NDST4: variants seen among roughly 807,000 people sequenced by gnomAD.
NDST4 encodes N-deacetylase and N-sulfotransferase 4.
NDST4 carries 63 observed loss-of-function variants against 100.8 expected under a neutral mutation model. The observed-to-expected ratio is 0.62, with a 90% CI of 0.51 to 0.77. The LOEUF (loss-of-function observed/expected upper bound fraction) is 0.77, where lower values mean the gene tolerates loss of function less well. Among genes scored for constraint, NDST4 ranks in the 30% least tolerant of loss-of-function variants. NDST4 has a pLI of 0.00. For missense variants in NDST4, 943 were observed against 1,018.4 expected, an observed-to-expected ratio of 0.93 and a Z score of 1.01; for synonymous variants, 377 against 361.8, an observed-to-expected ratio of 1.04 and a Z score of -0.48.
At chr4:114,861,286 A>G (rs80181135) in intron 7 of NDST4, among the ~76,000 whole-genome samples, 28 of 152,262 alleles carry the variant, frequency 1.8e-4, no homozygotes, top group Non-Finnish European at 3.5e-4. Context: ...AATTTTCCTA[A>G]ATTATCTGGA....
At chr4:114,859,428 T>C (rs1720958277) in intron 7 of NDST4, among the ~76,000 whole-genome samples, 1 of 152,204 alleles carries the variant, frequency 6.6e-6, no homozygotes, top group Non-Finnish European at 1.5e-5. Flanking sequence ...GCAGGAAGTT[T>C]ATAGAATCAT....
At chr4:114,853,633 A>G (rs935577259) in intron 7 of NDST4, among the ~76,000 whole-genome samples, 2 of 152,208 alleles carry the variant, frequency 1.3e-5, no homozygotes, top group South Asian at 2.1e-4. Context: ...GGTGACCTAC[A>G]CAATAATTAT....
chr4:115,088,003 A>C (rs1032519509), intron 1 of NDST4, among the ~76,000 whole-genome samples: 98 of 152,002 alleles, frequency 6.4e-4, no homozygotes, highest in African/African-American at 2.3e-3. Context: ...TTATTTTTAC[A>C]CTTAGATTAT....
chr4:115,090,177 C>T (rs1729487900), intron 1 of NDST4, among the ~76,000 whole-genome samples: 1 of 151,584 alleles, frequency 6.6e-6, no homozygotes, highest in African/African-American at 2.4e-5. Flanking sequence ...TCAATCCTTT[C>T]TCTTGTATTT....
chr4:115,095,893 T>C (rs1729611697), intron 1 of NDST4, among the ~76,000 whole-genome samples: 1 of 152,082 alleles, frequency 6.6e-6, no homozygotes, highest in Admixed American at 6.6e-5. Context: ...TATATTGTGC[T>C]ATCCAATCAC....
chr4:114,880,723 G>T (rs1724349434), intron 6 of NDST4, among the ~76,000 whole-genome samples: 1 of 152,066 alleles, frequency 6.6e-6, no homozygotes, highest in Non-Finnish European at 1.5e-5. Flanking sequence ...AGATGCTTAG[G>T]GTTAAATGGG....
At chr4:114,978,145 A>AT (rs1429277715) in intron 2 of NDST4, among the ~76,000 whole-genome samples, 1 of 151,920 alleles carries the variant, frequency 6.6e-6, no homozygotes, top group African/African-American at 2.4e-5. Context: ...TTTTTAATGG[A>AT]TTTTTAAAGA....
intron 1 of NDST4, among the ~76,000 whole-genome samples, chr4:115,097,706 A>C (rs1729648414): frequency 6.6e-6 from 1 of 152,112 alleles, no homozygotes; most frequent in Admixed American, 6.6e-5. Flanking sequence ...AATTAAGGTT[A>C]TGTCTCTCCT....
chr4:115,069,077 A>G (rs995011443), intron 2 of NDST4, among the ~76,000 whole-genome samples: 2 of 152,170 alleles, frequency 1.3e-5, no homozygotes, highest in Admixed American at 6.6e-5. Flanking sequence ...CAAGTTAAAA[A>G]GAAATAACCA....
chr4:115,085,787 G>T (rs1007311022), intron 1 of NDST4, among the ~76,000 whole-genome samples: 12 of 152,120 alleles, frequency 7.9e-5, no homozygotes, highest in Non-Finnish European at 1.3e-4. Context: ...TTTCTCCACA[G>T]AGTGTGAGAA....
intron 2 of NDST4, among the ~76,000 whole-genome samples, chr4:114,986,360 C>T (rs1726900598): frequency 6.6e-6 from 1 of 152,048 alleles, no homozygotes; most frequent in South Asian, 2.1e-4. Flanking sequence ...GTCTCGTGCC[C>T]TAAACGTTGT....
At chr4:114,997,325 T>C (rs1560850692) in intron 2 of NDST4, among the ~76,000 whole-genome samples, 1 of 152,104 alleles carries the variant, frequency 6.6e-6, no homozygotes, top group Non-Finnish European at 1.5e-5. Context: ...CCTAGCATGT[T>C]TATATCAAGG....
intron 4 of NDST4, among the ~76,000 whole-genome samples, chr4:114,955,188 T>C (rs945545134): frequency 1.3e-5 from 2 of 152,156 alleles, no homozygotes; most frequent in Non-Finnish European, 2.9e-5. Flanking sequence ...ACAGCCTTGA[T>C]GGAGGCAGCT....
At chr4:114,865,572 C>T (rs1244189168) in intron 7 of NDST4, among the ~76,000 whole-genome samples, 2 of 152,114 alleles carry the variant, frequency 1.3e-5, no homozygotes, top group Non-Finnish European at 2.9e-5. Context: ...AAGGCACAAA[C>T]AAAAAATTCA....
chr4:115,031,189 G>C (rs994855593), intron 2 of NDST4, among the ~76,000 whole-genome samples: 1 of 152,126 alleles, frequency 6.6e-6, no homozygotes, highest in Non-Finnish European at 1.5e-5. Flanking sequence ...TTGGTGATGA[G>C]AGAAAGGGGA....
At chr4:114,981,608 A>T (rs1165016581) in intron 2 of NDST4, among the ~76,000 whole-genome samples, 1 of 152,210 alleles carries the variant, frequency 6.6e-6, no homozygotes, top group African/African-American at 2.4e-5. Context: ...ATGAAAACAA[A>T]AATCTGTTTT....
At position 115,110,278 on chromosome 4, in the gene NDST4, T is replaced by A. The variant is rs1006305386; in HGVS notation, c.-247+3166A>T. ...AAAATAGGGCATTTAACACCCTGCA[T>A]AACAGCATAGCTGAAAGTTTCCTGA... On this transcript the variant is annotated intron_variant, in intron 1 of 13. Transcript: ENST00000264363. 1.4e-4 allele frequency among the ~76,000 whole-genome samples: 22 copies of A among 151,946 alleles called. 1 individual carries two copies. Among genetic ancestry groups the A allele is most frequent in the Non-Finnish European group, 2.2e-4 (15 of 67,910 alleles).
At chr4:115,061,423 C>A (rs370166644) in intron 2 of NDST4, among the ~76,000 whole-genome samples, 1 of 152,082 alleles carries the variant, frequency 6.6e-6, no homozygotes, top group Non-Finnish European at 1.5e-5. Flanking sequence ...CACATATACA[C>A]CATGGAATAC....
At chr4:115,021,250 A>G (rs1214987569) in intron 2 of NDST4, among the ~76,000 whole-genome samples, 1,395 of 138,576 alleles carry the variant, frequency 0.01, 37 homozygotes, top group African/African-American at 0.044. Flanking sequence ...CCACATATAT[A>G]TATTCCACAT....
Sources: gnomAD v4.1 joint callset for allele counts (sites outside exome capture counted in the v4.1 genomes callset) on GRCh38, gnomAD v4.1.1 for gene constraint, MANE v1.5 for transcripts, NCBI Gene and HGNC (gene_info 2026-07-23, HGNC 2026-07-21) for gene names.